OCIAD1: variants seen among roughly 807,000 people sequenced by gnomAD.
OCIAD1 encodes the protein OCIA domain containing 1.
In OCIAD1, 29 loss-of-function variants were observed where a neutral mutation model predicts 38.9. That is an observed-to-expected ratio of 0.74 (90% CI 0.55 to 1.02). The LOEUF (loss-of-function observed/expected upper bound fraction) is 1.02, where lower values mean the gene tolerates loss of function less well. Ranked by LOEUF, OCIAD1 falls within the 50% of genes least tolerant of loss-of-function variation. The pLI is 0.00. For missense variants in OCIAD1, 288 were observed against 289.6 expected (o/e 0.99, Z 0.04); for synonymous variants, 110 against 92.0 (o/e 1.20, Z -1.12).
intron 3 of OCIAD1, among the ~76,000 whole-genome samples, chr4:48,838,125 C>CT (rs1778167356): frequency 6.6e-6 from 1 of 152,100 alleles, no homozygotes; most frequent in Non-Finnish European, 1.5e-5. Flanking sequence ...CGAGACCAGC[C>CT]TGACCTATAT....
intron 7 of OCIAD1, among the ~76,000 whole-genome samples, chr4:48,853,732 C>T (rs1235523966): frequency 1.3e-5 from 2 of 152,132 alleles, no homozygotes; most frequent in African/African-American, 4.8e-5. Flanking sequence ...GCTCAATAGT[C>T]ACATGTGCTA....
chr4:48,846,745 CAAA>C (rs765371763), intron 4 of OCIAD1, among the ~76,000 whole-genome samples: 1 of 77,144 alleles, frequency 1.3e-5, no homozygotes. Context: ...AGACTCGTCT[CAAA>C]AAAAAAAAAA....
intron 3 of OCIAD1, among the ~76,000 whole-genome samples, chr4:48,837,771 T>C (rs1394240348): frequency 6.6e-6 from 1 of 152,030 alleles, no homozygotes; most frequent in African/African-American, 2.4e-5. Context: ...TTTGGGATTA[T>C]TGTAGTGTTG....
intron 7 of OCIAD1, 143 bp downstream of exon 7, chr4:48,852,118 T>G: frequency 1.6e-6 from 1 of 630,102 alleles, no homozygotes; most frequent in Non-Finnish European, 2.6e-6. Context: ...TGTTCATTTG[T>G]TTCTTCATTC....
chr4:48,859,578 T>C (rs1482324830), intron 8 of OCIAD1, among the ~76,000 whole-genome samples: 3 of 152,200 alleles, frequency 2.0e-5, no homozygotes, highest in Admixed American at 1.3e-4. Flanking sequence ...GATTTTTGAC[T>C]GAAGTCTTCA....
intron 1 of OCIAD1, among the ~76,000 whole-genome samples, chr4:48,824,505 T>C (rs1777228931): frequency 6.6e-6 from 1 of 151,934 alleles, no homozygotes; most frequent in South Asian, 2.1e-4. Context: ...CTCCACCTCC[T>C]GGGTAGCTAG....
intron 3 of OCIAD1, among the ~76,000 whole-genome samples, chr4:48,841,911 AAAG>A (rs1369403367): frequency 1.3e-5 from 2 of 152,236 alleles, no homozygotes; most frequent in African/African-American, 4.8e-5. Flanking sequence ...AGTTTAGAAG[AAAG>A]AACATAAGTG....
upstream of OCIAD1, among the ~76,000 whole-genome samples, chr4:48,827,997 T>C (rs1283560451): frequency 6.6e-6 from 1 of 152,086 alleles, no homozygotes; most frequent in Non-Finnish European, 1.5e-5. Context: ...AACTTTTATG[T>C]CTCACTAGAG....
chr4:48,840,193 A>G (rs1453516269), intron 3 of OCIAD1, among the ~76,000 whole-genome samples: 1 of 152,218 alleles, frequency 6.6e-6, no homozygotes, highest in Non-Finnish European at 1.5e-5. Context: ...ATCTCCTCGA[A>G]CAGACTATTA....
At chr4:48,857,644 CAAATAG>C (rs1780179502) in intron 8 of OCIAD1, among the ~76,000 whole-genome samples, 2 of 152,050 alleles carry the variant, frequency 1.3e-5, no homozygotes, top group African/African-American at 2.4e-5. Flanking sequence ...CTCAGCCTCC[CAAATAG>C]CTAGGACTAC....
intron 1 of OCIAD1, among the ~76,000 whole-genome samples, chr4:48,809,406 C>T (rs908499869): frequency 7.2e-5 from 11 of 151,840 alleles, no homozygotes; most frequent in Admixed American, 5.9e-4. Flanking sequence ...CGCCAATAAT[C>T]CCAGCTACTT....
At chr4:48,826,317 C>T (rs1410510315), upstream of OCIAD1, among the ~76,000 whole-genome samples, 1 of 152,134 alleles carries the variant, frequency 6.6e-6, no homozygotes. Context: ...CCACAACCCA[C>T]AACAGGCCCC....
chr4:48,832,139 T>C (rs2109509866), intron 1 of OCIAD1, among the ~76,000 whole-genome samples: 1 of 152,314 alleles, frequency 6.6e-6, no homozygotes, highest in African/African-American at 2.4e-5. Context: ...AATTTTGGAG[T>C]GCTCCTTTGT....
At chr4:48,843,507 A>G (rs1280641543) in intron 4 of OCIAD1, among the ~76,000 whole-genome samples, 1 of 152,200 alleles carries the variant, frequency 6.6e-6, no homozygotes, top group Non-Finnish European at 1.5e-5. Flanking sequence ...TAGTTTTGAC[A>G]CAATTAGTTG....
chr4:48,810,886 CTTTCTTTCTTTT>C (rs1488401772), intron 1 of OCIAD1, among the ~76,000 whole-genome samples: 3 of 44,300 alleles, frequency 6.8e-5, no homozygotes, highest in African/African-American at 8.4e-5. Context: ...TTTTTTCTTT[CTTTCTTTCTTTT>C]TTTTTTTTTT....
At chr4:48,823,447 G>A (rs771078366) in intron 1 of OCIAD1, among the ~76,000 whole-genome samples, 7 of 151,582 alleles carry the variant, frequency 4.6e-5, no homozygotes, top group Non-Finnish European at 5.9e-5. Context: ...TAATGGATGC[G>A]GCGTTTAAAA....
chr4:48,843,070 A>C (rs540701152), intron 4 of OCIAD1, among the ~76,000 whole-genome samples: 3 of 152,336 alleles, frequency 2.0e-5, no homozygotes, highest in African/African-American at 7.2e-5. Context: ...TAATGATTTA[A>C]AGATCAGTAG....
chr4:48,833,072 GA>G (rs1262253701), intron 2 of OCIAD1, among the ~76,000 whole-genome samples: 2 of 152,078 alleles, frequency 1.3e-5, no homozygotes, highest in Non-Finnish European at 2.9e-5. Flanking sequence ...CTAACATGGT[GA>G]AACCCCGTAT....
Position 48,857,378 on chromosome 4 carries a change from A to G in OCIAD1, c.700+13A>G, listed in dbSNP as rs773009830. 1 of 1,504,556 alleles carries G rather than the reference A, an allele frequency of 6.6e-7. No homozygotes were observed. The highest frequency in any genetic ancestry group is 8.9e-7 in the Non-Finnish European group (1 of 1,126,304). The allele number at this position is 1,504,556 out of a possible 1,614,324, so 93.2% of individuals were successfully genotyped here. A position where few individuals can be genotyped will look rare whatever the true frequency, so the allele number is the denominator to read the frequency against. ...CCAAAAAAAGAAGGTATGATAGTTT[A>G]GTCTGAATCACTTTACTGTTGAGGA... On this transcript the variant is annotated intron_variant, in intron 8 of 8. Transcript: ENST00000264312.
Sources: allele counts gnomAD v4.1 joint callset (sites outside exome capture counted in the v4.1 genomes callset), GRCh38; gene constraint gnomAD v4.1.1; transcripts MANE v1.5; gene names NCBI Gene and HGNC (gene_info 2026-07-23, HGNC 2026-07-21).